Variants in NPAS2 observed in about 807,000 individuals in gnomAD.
The protein encoded by NPAS2 is neuronal PAS domain protein 2.
NPAS2 carries 23 observed loss-of-function variants against 107.5 expected under a neutral mutation model. The observed-to-expected ratio is 0.21, with a 90% CI of 0.15 to 0.30. NPAS2 has a LOEUF of 0.30. Ranked by LOEUF, NPAS2 falls within the 10% of genes least tolerant of loss-of-function variation. NPAS2 has a pLI of 1.00. For missense variants in NPAS2, 756 were observed against 1,043.3 expected (o/e 0.72, Z 3.79); for synonymous variants, 403 against 417.5 (o/e 0.97, Z 0.42).
intron 2 of NPAS2, 40 bp downstream of exon 2, chr2:100,904,826 G>GC: frequency 1.4e-6 from 2 of 1,480,950 alleles, no homozygotes; most frequent in South Asian, 2.4e-5. Context: ...GAGCTCTCTG[G>GC]CCCCCGGGGG....
intron 14 of NPAS2, among the ~76,000 whole-genome samples, 162 bp from the exon 15 acceptor site, chr2:100,977,548 A>G (rs1677098635): frequency 1.3e-5 from 2 of 152,202 alleles, no homozygotes; most frequent in African/African-American, 2.4e-5. Context: ...CTGCGTAGGA[A>G]GCAGTGCAGC....
chr2:100,886,505 G>A lies in NPAS2; in HGVS notation c.-22-18228G>A, dbSNP rs538887404. Among the ~76,000 whole-genome samples the A allele has an allele frequency of 3.3e-5, 5 of 152,136 alleles. No homozygotes were observed. In the South Asian group the frequency reaches 1.0e-3, roughly 32 times the overall value. On this transcript the variant is annotated intron_variant, in intron 1 of 20. Transcript: ENST00000335681. The stretch of plus-strand genomic sequence containing the variant: ...GTTGTTTTTTTGCATTGTGATAGTA[G>A]CCACCACCTGAGCTAACAATTCATT...
chr2:100,827,927 A>C (rs1474507017), intron 1 of NPAS2, among the ~76,000 whole-genome samples: 1 of 152,192 alleles, frequency 6.6e-6, no homozygotes, highest in Admixed American at 6.5e-5. Context: ...GATAGATACT[A>C]CTATCAGTAG....
At chr2:100,856,723 G>T (rs1678594391) in intron 1 of NPAS2, among the ~76,000 whole-genome samples, 1 of 140,780 alleles carries the variant, frequency 7.1e-6, no homozygotes, top group South Asian at 2.6e-4. Flanking sequence ...GGGGGCGGGG[G>T]CGGGGGCATG....
intron 1 of NPAS2, among the ~76,000 whole-genome samples, chr2:100,852,267 G>T (rs35827758): frequency 4.0e-5 from 6 of 151,852 alleles, no homozygotes; most frequent in Non-Finnish European, 7.4e-5. Context: ...CGTGGTGGTG[G>T]GTGCCTGTAG....
chr2:100,925,513 G>A (rs972641748), intron 3 of NPAS2, among the ~76,000 whole-genome samples: 1 of 152,166 alleles, frequency 6.6e-6, no homozygotes, highest in African/African-American at 2.4e-5. Flanking sequence ...TAAGCCAGAC[G>A]AGAGAATCCA....
chr2:100,972,165 C>T (rs1676620100), intron 12 of NPAS2, among the ~76,000 whole-genome samples: 1 of 152,062 alleles, frequency 6.6e-6, no homozygotes, highest in South Asian at 2.1e-4. Context: ...CCAGGCTGGT[C>T]TCGAACTCCT....
chr2:100,856,716 G>T (rs944323955), intron 1 of NPAS2, among the ~76,000 whole-genome samples: 10 of 146,972 alleles, frequency 6.8e-5, no homozygotes, highest in African/African-American at 2.5e-4. Context: ...GCGGGGTGGG[G>T]GCGGGGGCGG....
intron 10 of NPAS2, among the ~76,000 whole-genome samples, chr2:100,967,352 G>A (rs1399915972): frequency 7.2e-6 from 1 of 139,710 alleles, no homozygotes; most frequent in African/African-American, 2.8e-5. Context: ...TCAGCCTCGT[G>A]AGTAGCTGGG....
At chr2:100,837,849 A>G (rs1480915307) in intron 1 of NPAS2, among the ~76,000 whole-genome samples, 1 of 152,184 alleles carries the variant, frequency 6.6e-6, no homozygotes, top group Non-Finnish European at 1.5e-5. Context: ...TAATCCAGGA[A>G]GTGTCCTTTA....
rs144812601 is a variant in NPAS2 at position 100,887,252 on chromosome 2, C to T, written c.-22-17481C>T. On this transcript the variant is annotated intron_variant, in intron 1 of 20. Transcript: ENST00000335681. ...GAGACTCAGGGGAATTCCCTCAAAG[C>T]GTTCCAGCTTCTGAGCCAGAGAGGC... is the stretch of plus-strand genomic sequence containing the variant. Among the ~76,000 whole-genome samples the T allele has an allele frequency of 3.4e-3, 513 of 152,296 alleles. 3 individuals are homozygous for T. Among genetic ancestry groups the T allele is most frequent in the African/African-American group, 0.012 (489 of 41,562 alleles).
intron 1 of NPAS2, chr2:100,823,460 C>T (rs1003618819): frequency 6.6e-6 from 1 of 151,938 alleles, no homozygotes; most frequent in Non-Finnish European, 1.5e-5. Context: ...AGTGTTGATC[C>T]TCTACACTGG....
chr2:100,936,935 T>C (rs1558888693), intron 4 of NPAS2, among the ~76,000 whole-genome samples: 1 of 134,992 alleles, frequency 7.4e-6, no homozygotes. Context: ...TGAGCCGAGA[T>C]CATGCCACTG....
At chr2:100,882,628 A>T (rs935601700) in intron 1 of NPAS2, among the ~76,000 whole-genome samples, 3 of 151,994 alleles carry the variant, frequency 2.0e-5, no homozygotes, top group Non-Finnish European at 4.4e-5. Flanking sequence ...AAACAAACAA[A>T]CAAAAAACGA....
In NPAS2 at chr2:100,928,260, G is replaced by A. The variant is rs867861926; in HGVS notation, c.181+2966G>A. On this transcript the variant is annotated intron_variant, in intron 3 of 20. Coordinates refer to ENST00000335681, the MANE Select transcript of NPAS2 (RefSeq NM_002518.4). ...AGGATTGGAACGAAGTGTTACAGCA[G>A]TATTTGATTGCCCTGATAATTTAAT... Among the ~76,000 whole-genome samples the A allele has an allele frequency of 5.9e-5, 9 of 152,156 alleles. No individual in the cohort carries two copies. In the South Asian group the frequency reaches 1.9e-3, roughly 32 times the overall value.
At chr2:100,843,030 C>T (rs781405764) in intron 1 of NPAS2, among the ~76,000 whole-genome samples, 1 of 151,990 alleles carries the variant, frequency 6.6e-6, no homozygotes, top group Non-Finnish European at 1.5e-5. Flanking sequence ...ACCATCCTGG[C>T]CAACATGGAG....
chr2:100,824,357 G>C (rs1372415983), intron 1 of NPAS2, among the ~76,000 whole-genome samples: 1 of 152,170 alleles, frequency 6.6e-6, no homozygotes, highest in Non-Finnish European at 1.5e-5. Flanking sequence ...TTTGTTGATA[G>C]CCCTTCCTAG....
intron 16 of NPAS2, chr2:100,985,259 C>T (rs907263187): frequency 1.3e-5 from 2 of 152,860 alleles, no homozygotes; most frequent in East Asian, 3.8e-4. Flanking sequence ...TCCTTCCATC[C>T]AGCCGCCATC....
intron 15 of NPAS2, among the ~76,000 whole-genome samples, chr2:100,980,382 C>T (rs1677362669): frequency 6.6e-6 from 1 of 152,194 alleles, no homozygotes; most frequent in Admixed American, 6.5e-5. Context: ...TCAAAATCCT[C>T]ACAGAGTGGT....
Sources: gnomAD v4.1 joint callset for allele counts (sites outside exome capture counted in the v4.1 genomes callset) on GRCh38, gnomAD v4.1.1 for gene constraint, MANE v1.5 for transcripts, NCBI Gene and HGNC (gene_info 2026-07-23, HGNC 2026-07-21) for gene names.